CNTNAP2: variants seen among roughly 807,000 people sequenced by gnomAD.
The protein encoded by CNTNAP2 is contactin-associated protein-like 2.
CNTNAP2 carries 98 observed loss-of-function variants against 155.2 expected under a neutral mutation model. That is an observed-to-expected ratio of 0.63 (90% CI 0.54 to 0.75). The LOEUF (loss-of-function observed/expected upper bound fraction) is 0.75. Among genes scored for constraint, CNTNAP2 ranks in the 30% least tolerant of loss-of-function variants. The pLI is 0.00. For synonymous variants in CNTNAP2, 651 were observed against 631.2 expected, an observed-to-expected ratio of 1.03 and a Z score of -0.47; for missense variants, 1,727 against 1,688.1, an observed-to-expected ratio of 1.02 and a Z score of -0.40.
At chr7:147,578,210 G>A (rs7780313) in intron 12 of CNTNAP2, among the ~76,000 whole-genome samples, 104,875 of 151,994 alleles carry the variant, frequency 0.69, 36,750 homozygotes, top group African/African-American at 0.81. Context: ...GGAAAGTAAA[G>A]GAATGAAAGT....
chr7:147,162,279 G>T (rs1802041463), intron 8 of CNTNAP2: 1 of 152,030 alleles, frequency 6.6e-6, no homozygotes, highest in Admixed American at 6.6e-5. Flanking sequence ...TAATCTTTAG[G>T]TTATCTGCAG....
intron 1 of CNTNAP2, among the ~76,000 whole-genome samples, chr7:146,220,961 G>A (rs1399551687): frequency 6.6e-6 from 1 of 152,154 alleles, no homozygotes; most frequent in African/African-American, 2.4e-5. Flanking sequence ...TATGCCCAAA[G>A]TTTGATTATA....
intron 12 of CNTNAP2, among the ~76,000 whole-genome samples, chr7:147,575,616 A>C (rs1800384499): frequency 6.6e-6 from 1 of 151,736 alleles, no homozygotes; most frequent in Admixed American, 6.6e-5. Context: ...TTTACTCACC[A>C]TCCTAACCAA....
chr7:147,863,137 G>A (rs543209416), intron 13 of CNTNAP2, among the ~76,000 whole-genome samples: 70 of 152,144 alleles, frequency 4.6e-4, no homozygotes, highest in African/African-American at 1.7e-3. Context: ...GTGTCCAAGT[G>A]TTCTCATTGT....
chr7:147,513,813 C>G (rs1303042519), intron 11 of CNTNAP2, among the ~76,000 whole-genome samples: 2 of 152,230 alleles, frequency 1.3e-5, no homozygotes, highest in Non-Finnish European at 2.9e-5. Flanking sequence ...GAACCAGAGA[C>G]GCATGCTTCA....
At chr7:146,667,142 A>G (rs115056546) in intron 1 of CNTNAP2, among the ~76,000 whole-genome samples, 3,070 of 152,054 alleles carry the variant, frequency 0.02, 114 homozygotes, top group African/African-American at 0.069. Flanking sequence ...TCTTTGTTCT[A>G]TTTTGAGTTG....
At chr7:147,803,877 C>T (rs118012750) in intron 13 of CNTNAP2, among the ~76,000 whole-genome samples, 1,718 of 152,286 alleles carry the variant, frequency 0.011, 92 homozygotes, top group Admixed American at 0.089. Context: ...AATGGGGAAA[C>T]GAATCCAATT....
In CNTNAP2 at chr7:148,146,625, G is replaced by A. The variant is rs557941765; in HGVS notation, c.2555-866G>A. Among the ~76,000 whole-genome samples the A allele has an allele frequency of 3.3e-5, 5 of 152,280 alleles. No homozygotes were observed. In the East Asian group the frequency reaches 9.7e-4, roughly 30 times the overall value. ...AGAAGGAGCCTACAACCCAGATGGGGAATAACCAAGGTTTGCAACAGACGA... is the reference window on the plus strand; with the variant it reads ...AGAAGGAGCCTACAACCCAGATGGGAAATAACCAAGGTTTGCAACAGACGA... On this transcript the variant is annotated intron_variant, in intron 16 of 23. Coordinates refer to ENST00000361727, the MANE Select transcript of CNTNAP2 (RefSeq NM_014141.6).
intron 15 of CNTNAP2, among the ~76,000 whole-genome samples, chr7:148,062,025 G>GAC (rs1803165080): frequency 7.2e-6 from 1 of 137,968 alleles, no homozygotes; most frequent in African/African-American, 2.8e-5. Flanking sequence ...GAGAGAGAGA[G>GAC]AGAGTGTGTG....
chr7:148,001,836 T>G (rs1049022662), intron 15 of CNTNAP2, among the ~76,000 whole-genome samples: 1 of 152,202 alleles, frequency 6.6e-6, no homozygotes. Context: ...TTTTTCAGGT[T>G]GGTACTTTTT....
intron 21 of CNTNAP2, among the ~76,000 whole-genome samples, chr7:148,363,641 G>A (rs940086941): frequency 1.3e-5 from 2 of 152,196 alleles, no homozygotes; most frequent in Admixed American, 1.3e-4. Context: ...CCTTTTGAGA[G>A]GTGACAGCGT....
chr7:147,734,792 G>A (rs1265278277), intron 13 of CNTNAP2, among the ~76,000 whole-genome samples: 2 of 152,200 alleles, frequency 1.3e-5, no homozygotes, highest in Non-Finnish European at 2.9e-5. Context: ...GGATTTTCTA[G>A]TTTGTTTGCA....
At chr7:147,023,301 T>G (rs1793487068) in intron 3 of CNTNAP2, among the ~76,000 whole-genome samples, 1 of 152,208 alleles carries the variant, frequency 6.6e-6, no homozygotes, top group Admixed American at 6.5e-5. Flanking sequence ...AAAAATCAAC[T>G]CTGAGGTATA....
intron 1 of CNTNAP2, among the ~76,000 whole-genome samples, chr7:146,281,130 C>T (rs964749907): frequency 6.6e-6 from 1 of 152,106 alleles, no homozygotes; most frequent in Admixed American, 6.5e-5. Flanking sequence ...TTTTTTAGAT[C>T]ATCTGAACCA....
At chr7:146,809,872 T>C (rs2129193450) in intron 2 of CNTNAP2, among the ~76,000 whole-genome samples, 1 of 152,280 alleles carries the variant, frequency 6.6e-6, no homozygotes, top group African/African-American at 2.4e-5. Flanking sequence ...ACTTGTTTAT[T>C]TTTGCTTTTA....
chr7:147,486,955 T>C (rs1798521018), intron 11 of CNTNAP2, among the ~76,000 whole-genome samples: 1 of 146,756 alleles, frequency 6.8e-6, no homozygotes, highest in Admixed American at 6.9e-5. Flanking sequence ...GATTCAACCT[T>C]CTCTCAATAT....
At chr7:146,406,375 T>C (rs1453462700) in intron 1 of CNTNAP2, among the ~76,000 whole-genome samples, 2 of 152,216 alleles carry the variant, frequency 1.3e-5, no homozygotes, top group Non-Finnish European at 2.9e-5. Context: ...AAACCAATGA[T>C]TTTAAAAGGC....
rs561206664 is a variant in CNTNAP2, at chr7:147,030,512, A to AT, written c.403-13394dup. Among the ~76,000 whole-genome samples the AT allele has an allele frequency of 9.2e-5, 14 of 152,324 alleles. No homozygotes were observed. The South Asian group carries it at 2.9e-3, about 32-fold the overall frequency. ...ATATTTTTATCAAGCTAGTACATAG[A>AT]TAAGTATTTTTAATCAATTTGTAGA... On this transcript the variant is annotated intron_variant, in intron 3 of 23. Coordinates refer to ENST00000361727, the MANE Select transcript of CNTNAP2 (RefSeq NM_014141.6).
intron 13 of CNTNAP2, among the ~76,000 whole-genome samples, chr7:147,653,248 T>G (rs1056622322): frequency 1.1e-4 from 17 of 152,226 alleles, no homozygotes; most frequent in South Asian, 2.1e-4. Context: ...CTTTCTTTCT[T>G]CTTCTTCTTC....
Sources: gnomAD v4.1 joint callset for allele counts (sites outside exome capture counted in the v4.1 genomes callset) on GRCh38, gnomAD v4.1.1 for gene constraint, MANE v1.5 for transcripts, NCBI Gene and HGNC (gene_info 2026-07-23, HGNC 2026-07-21) for gene names.